DEFB119: variants seen among roughly 807,000 people sequenced by gnomAD.
The protein encoded by DEFB119 is defensin beta 119.
Under a neutral mutation model 2.5 loss-of-function variants are expected in DEFB119, and 3 were observed. The observed-to-expected ratio is 1.19, with a 90% confidence interval of 0.54 to 3.07. The LOEUF is 3.07. DEFB119 is among the 30% of genes most tolerant of loss of function. DEFB119 has a pLI of 0.03. For synonymous variants in DEFB119, 29 were observed against 33.7 expected (o/e 0.86, Z 0.48); for missense variants, 113 against 101.1 (o/e 1.12, Z -0.50).
In DEFB119 at chr20:31,387,948, C is replaced by T. The variant is rs993981705; in HGVS notation, c.61+2475G>A. The T allele has an allele frequency of 9.6e-5, 65 of 678,208 alleles. No individual in the cohort carries two copies. In the African/African-American group the frequency reaches 1.2e-3, roughly 13 times the overall value. 42.0% of individuals were successfully genotyped at this position (678,208 alleles called of 1,614,324 possible). A position where few individuals can be genotyped will look rare whatever the true frequency, so the allele number is the denominator to read the frequency against. On this transcript the variant is annotated intron_variant, in intron 1 of 1. Transcript: ENST00000376321. ...AAATATTGAGCTGAGAGCAAATAGT[C>T]TTCCTGGATGATAATGAACTCCTTC...
rs117224347 is a variant in DEFB119, at chr20:31,385,739, G to C, written c.61+4684C>G. Among the ~76,000 whole-genome samples, 440 of 152,078 alleles carry C rather than the reference G, an allele frequency of 2.9e-3. 3 individuals are homozygous for C. Among genetic ancestry groups the C allele is most frequent in the Non-Finnish European group, 4.2e-3 (284 of 67,980 alleles). ...AGAAAAATTAGCCAGGCATGGTAGC[G>C]CACACGTGTAGTCCCAGCTACTCAG... On this transcript the variant is annotated intron_variant, in intron 1 of 1. Coordinates refer to ENST00000376321, the MANE Select transcript of DEFB119 (RefSeq NM_153289.4).
In DEFB119 at chr20:31,378,941, CTT is replaced by C. The variant is rs56082233; in HGVS notation, c.62-1504_62-1503del. ...ATACCTGGCAGATGAAAAGTGGACA[CTT>C]TTTTTTTTTTTTTTAGACAAGTCTT... On this transcript the variant is annotated intron_variant, in intron 1 of 1. Transcript: ENST00000376321. 6.4e-3 allele frequency among the ~76,000 whole-genome samples: 925 copies of C among 143,532 alleles called. 2 individuals are homozygous for C. Among genetic ancestry groups the C allele is most frequent in the East Asian group, 0.013 (63 of 4,918 alleles). The allele number at this position is 143,532 out of a possible 152,430, so 94.2% of individuals were successfully genotyped here. A position where few individuals can be genotyped will look rare whatever the true frequency, so the allele number is the denominator to read the frequency against.
At chr20:31,384,829 G>A (rs1032105195) in intron 1 of DEFB119, among the ~76,000 whole-genome samples, 4 of 152,144 alleles carry the variant, frequency 2.6e-5, no homozygotes, top group Non-Finnish European at 5.9e-5. Flanking sequence ...CACTTCATGT[G>A]AGTGGTAAGA....
At chr20:31,382,185 A>C (rs1986528471) in intron 1 of DEFB119, among the ~76,000 whole-genome samples, 1 of 152,230 alleles carries the variant, frequency 6.6e-6, no homozygotes, top group Admixed American at 6.5e-5. Flanking sequence ...ATCTGGGTGA[A>C]GAGTACACAG....
chr20:31,387,637 ACAAGAGCAT>A (rs1986757918), intron 1 of DEFB119, among the ~76,000 whole-genome samples: 7 of 152,082 alleles, frequency 4.6e-5, no homozygotes, highest in Admixed American at 4.6e-4. Context: ...GACCCTGCAA[ACAAGAGCAT>A]CCCTTGATGC....
rs73108009 is a variant in DEFB119 at position 31,390,409 on chromosome 20, G to C, written c.61+14C>G. The C allele has an allele frequency of 0.095, 152,576 of 1,610,120 alleles. 8,190 individuals are homozygous for C. The highest frequency in any genetic ancestry group is 0.11 in the Middle Eastern group (675 of 6,044). On this transcript the variant is annotated intron_variant, in intron 1 of 1. Coordinates refer to ENST00000376321, the MANE Select transcript of DEFB119 (RefSeq NM_153289.4). Reference sequence around the variant, plus strand: ...TGACCAGGAACCCAGACCCCCGAGAGAGGTTCACGTTACCTGATATCACTG... The same window carrying C: ...TGACCAGGAACCCAGACCCCCGAGACAGGTTCACGTTACCTGATATCACTG...
intron 1 of DEFB119, among the ~76,000 whole-genome samples, chr20:31,379,728 C>T (rs1402473850): frequency 6.6e-6 from 1 of 150,554 alleles, no homozygotes; most frequent in East Asian, 2.0e-4. Context: ...TGCAGTGGCA[C>T]TATCTCAGCT....
chr20:31,385,001 GA>G, intron 1 of DEFB119, among the ~76,000 whole-genome samples: 1 of 151,946 alleles, frequency 6.6e-6, no homozygotes, highest in Non-Finnish European at 1.5e-5. Flanking sequence ...AAAGAAAACT[GA>G]AAAAAATAAG....
At position 31,377,436 on chromosome 20, in the gene DEFB119, T is replaced by A. The variant is rs1986341652; in HGVS notation, c.65A>T (p.Lys22Ile). The change falls in exon 2 of 2, where the codon AAA becomes ATA. Residue 22 changes from lysine (K) to isoleucine (I), a missense_variant. Coordinates refer to ENST00000376321, the MANE Select transcript of DEFB119 (RefSeq NM_153289.4). ...LAIEEPVISGKRHILRCMGNS... is the reference protein window; with the variant it reads ...LAIEEPVISGIRHILRCMGNS... ...ACCCATGCATCGAAGGATGTGGCGTTTGCCTGCCAAAGGAAAAAAAATACA... is the reference window on the plus strand; with the variant it reads ...ACCCATGCATCGAAGGATGTGGCGTATGCCTGCCAAAGGAAAAAAAATACA... 1.9e-6 allele frequency: 3 copies of A among 1,609,508 alleles called. No homozygotes were observed. Among genetic ancestry groups the A allele is most frequent in the Non-Finnish European group, 2.5e-6 (3 of 1,177,920 alleles).
At chr20:31,389,150 G>T (rs150443667) in intron 1 of DEFB119, 2 of 1,614,082 alleles carry the variant, frequency 1.2e-6, no homozygotes, top group Admixed American at 1.7e-5. Flanking sequence ...ACACAGCACC[G>T]TTTACGATTT....
intron 1 of DEFB119, among the ~76,000 whole-genome samples, chr20:31,385,543 T>C (rs1329816258): frequency 6.6e-6 from 1 of 152,162 alleles, no homozygotes; most frequent in Non-Finnish European, 1.5e-5. Flanking sequence ...CAATGAGAAC[T>C]ATTATTATAG....
intron 1 of DEFB119, among the ~76,000 whole-genome samples, chr20:31,382,436 C>T (rs1379158036): frequency 6.6e-6 from 1 of 152,094 alleles, no homozygotes; most frequent in Admixed American, 6.6e-5. Flanking sequence ...AATATCTAAC[C>T]CCTAGAATTT....
chr20:31,383,735 A>C (rs774344546), intron 1 of DEFB119, among the ~76,000 whole-genome samples: 22 of 151,656 alleles, frequency 1.5e-4, no homozygotes, highest in African/African-American at 4.8e-4. Context: ...CCCAGCTACT[A>C]GGGAGGCTGA....
At chr20:31,385,715 G>GA (rs1986671608) in intron 1 of DEFB119, among the ~76,000 whole-genome samples, 1 of 152,000 alleles carries the variant, frequency 6.6e-6, no homozygotes, top group South Asian at 2.1e-4. Flanking sequence ...AACACAAATA[G>GA]AAAAATTAGC....
chr20:31,385,283 C>T (rs1405261381), intron 1 of DEFB119, among the ~76,000 whole-genome samples: 3 of 151,804 alleles, frequency 2.0e-5, no homozygotes, highest in African/African-American at 7.3e-5. Flanking sequence ...TCATAGAATG[C>T]CCATATCAAG....
At chr20:31,380,071 A>G (rs1198858281) in intron 1 of DEFB119, among the ~76,000 whole-genome samples, 1 of 152,180 alleles carries the variant, frequency 6.6e-6, no homozygotes, top group Non-Finnish European at 1.5e-5. Context: ...CTTTTCAACC[A>G]TCCTCTTCAC....
At chr20:31,381,584 G>A (rs924089798) in intron 1 of DEFB119, among the ~76,000 whole-genome samples, 4 of 152,196 alleles carry the variant, frequency 2.6e-5, no homozygotes, top group African/African-American at 9.6e-5. Context: ...AGGCCAAGGC[G>A]GGAAGATCAC....
chr20:31,380,126 A>G (rs1015769202), intron 1 of DEFB119, among the ~76,000 whole-genome samples: 4 of 152,160 alleles, frequency 2.6e-5, no homozygotes, highest in African/African-American at 7.2e-5. Flanking sequence ...AGTAAGTGCA[A>G]TTTATTGATT....
At chr20:31,387,890 G>A (rs1986771857) in intron 1 of DEFB119, among the ~76,000 whole-genome samples, 1 of 152,314 alleles carries the variant, frequency 6.6e-6, no homozygotes, top group Non-Finnish European at 1.5e-5. Context: ...CTTAGCCAGA[G>A]GAGGGGCCCC....
Sources: allele counts gnomAD v4.1 joint callset (sites outside exome capture counted in the v4.1 genomes callset), GRCh38; gene constraint gnomAD v4.1.1; transcripts MANE v1.5; gene names NCBI Gene and HGNC (gene_info 2026-07-23, HGNC 2026-07-21).